The following P3H2 variants were observed in gnomAD, a reference collection of about 807,000 sequenced individuals.
The protein encoded by P3H2 is leprecan-like 1.
P3H2 carries 80 observed loss-of-function variants against 87.0 expected under a neutral mutation model. That is an observed-to-expected ratio of 0.92 (90% CI 0.77 to 1.11). The LOEUF (loss-of-function observed/expected upper bound fraction) is 1.11. Ranked by LOEUF, P3H2 falls within the 50% of genes least tolerant of loss-of-function variation. The pLI, the probability that P3H2 is intolerant of heterozygous loss-of-function variation, is 0.00. For missense variants in P3H2, 1,001 were observed against 923.9 expected (o/e 1.08, Z -1.08); for synonymous variants, 367 against 359.3 (o/e 1.02, Z -0.24).
chr3:189,982,619 G>A lies in P3H2; in HGVS notation c.1324+427C>T, dbSNP rs140206870. ...CCCTGCTCAGATCTATGTGCTTCAA[G>A]CATCTAAGGTTAACTAATCTAATAT... On this transcript the variant is annotated intron_variant, in intron 8 of 14. Transcript: ENST00000319332. 2.6e-5 allele frequency among the ~76,000 whole-genome samples: 4 copies of A among 152,208 alleles called. No individual in the cohort carries two copies. The East Asian group carries it at 7.7e-4, about 29-fold the overall frequency.
chr3:190,083,663 G>A (rs1727123644), intron 1 of P3H2, among the ~76,000 whole-genome samples: 1 of 152,186 alleles, frequency 6.6e-6, no homozygotes. Context: ...CTGAGTATAA[G>A]AATCCCCTAG....
intron 4 of P3H2, among the ~76,000 whole-genome samples, chr3:189,988,209 C>A (rs996418402): frequency 6.6e-6 from 1 of 152,162 alleles, no homozygotes; most frequent in Non-Finnish European, 1.5e-5. Flanking sequence ...AATTATAGCA[C>A]ATCCTACAGT....
chr3:190,022,983 C>T (rs1360988781), intron 1 of P3H2, among the ~76,000 whole-genome samples: 2 of 152,008 alleles, frequency 1.3e-5, no homozygotes, highest in East Asian at 1.9e-4. Flanking sequence ...CCCACCACCA[C>T]GCCTGGCTAA....
chr3:190,105,344 C>T lies in P3H2; in HGVS notation c.480+14908G>A, dbSNP rs951329043. On this transcript the variant is annotated intron_variant, in intron 1 of 14. Coordinates refer to ENST00000319332, the MANE Select transcript of P3H2 (RefSeq NM_018192.4). ...CAGTGCCATAAAGATCAGGAACAAT[C>T]GCCTCAAATGATAATCTTTTTTGAA... 5.3e-5 allele frequency among the ~76,000 whole-genome samples: 8 copies of T among 152,296 alleles called. No individual in the cohort carries two copies. In the South Asian group the frequency reaches 8.3e-4, roughly 16 times the overall value.
At chr3:190,094,540 C>A (rs1236556365) in intron 1 of P3H2, among the ~76,000 whole-genome samples, 1 of 152,138 alleles carries the variant, frequency 6.6e-6, no homozygotes, top group Non-Finnish European at 1.5e-5. Flanking sequence ...TTCCACAGAA[C>A]CCAGGCACAG....
At chr3:190,111,482 C>G (rs981347808) in intron 1 of P3H2, among the ~76,000 whole-genome samples, 1 of 151,984 alleles carries the variant, frequency 6.6e-6, no homozygotes, top group Non-Finnish European at 1.5e-5. Context: ...ATTAATGTGG[C>G]AGGGTGCAGC....
chr3:190,084,204 A>G (rs149172716), intron 1 of P3H2, among the ~76,000 whole-genome samples: 202 of 152,348 alleles, frequency 1.3e-3, no homozygotes, highest in Non-Finnish European at 2.1e-3. Context: ...AATTTCCCGA[A>G]TAATTTCTCA....
At chr3:190,083,711 T>C (rs1727125022) in intron 1 of P3H2, among the ~76,000 whole-genome samples, 1 of 152,236 alleles carries the variant, frequency 6.6e-6, no homozygotes, top group Non-Finnish European at 1.5e-5. Context: ...AAATCATGTA[T>C]GGCCTCTCAG....
At chr3:189,971,745 A>G (rs1161049583) in intron 12 of P3H2, 145 bp downstream of exon 12, 1 of 684,492 alleles carries the variant, frequency 1.5e-6, no homozygotes, top group African/African-American at 1.8e-5. Context: ...CTTATTGGTT[A>G]TGGCAGCTAC....
chr3:189,973,126 T>C (rs1723228965), intron 10 of P3H2, 102 bp from the exon 11 acceptor site: 3 of 1,030,238 alleles, frequency 2.9e-6, no homozygotes, highest in Non-Finnish European at 2.9e-6. Context: ...TTGTCATGTC[T>C]GTATTGACTA....
At chr3:190,083,515 T>A (rs894801488) in intron 1 of P3H2, among the ~76,000 whole-genome samples, 2 of 152,212 alleles carry the variant, frequency 1.3e-5, no homozygotes. Context: ...GGCAATCTTT[T>A]AACTGGGGAG....
rs200308609 is a variant in P3H2, at chr3:190,120,419, C to A, written c.313G>T (p.Ala105Ser). 2.9e-5 allele frequency: 43 copies of A among 1,477,804 alleles called. No homozygotes were observed. Among genetic ancestry groups the A allele is most frequent in the African/African-American group, 1.9e-4 (13 of 68,722 alleles). 91.5% of individuals were successfully genotyped at this position (1,477,804 alleles called of 1,614,324 possible). Residue 105 changes from alanine (A) to serine (S), a missense_variant, in exon 1 of 15, where the codon GCT becomes TCT. Physicochemically the swap from Ala to Ser is moderately conservative, Grantham distance 99 (BLOSUM62 1). Transcript: ENST00000319332. ...AAGGAGCGGAAAAGGGGCAGCTCAG[C>A]GCCGGGGCCCTCGCCGGGGGGCGGG... ...PPPPPGEGPG[A>S]ELPLFRSLLG...
chr3:190,107,648 G>A (rs1177673941), intron 1 of P3H2, among the ~76,000 whole-genome samples: 2 of 152,128 alleles, frequency 1.3e-5, no homozygotes, highest in Non-Finnish European at 2.9e-5. Context: ...ACCTGAAATG[G>A]CAAAATAACA....
At chr3:189,975,756 C>G (rs1723331152) in intron 8 of P3H2, among the ~76,000 whole-genome samples, 1 of 152,128 alleles carries the variant, frequency 6.6e-6, no homozygotes, top group Non-Finnish European at 1.5e-5. Context: ...AGAGCACTGT[C>G]TAAATGTTTA....
chr3:189,973,840 T>C, intron 10 of P3H2, 69 bp downstream of exon 10: 1 of 1,200,836 alleles, frequency 8.3e-7, no homozygotes, highest in East Asian at 2.3e-5. Flanking sequence ...TTCTTTCTTA[T>C]ATCTGCCATT....
At chr3:190,089,435 T>C (rs1207691302) in intron 1 of P3H2, among the ~76,000 whole-genome samples, 2 of 152,182 alleles carry the variant, frequency 1.3e-5, no homozygotes, top group African/African-American at 4.8e-5. Context: ...TCCAAAGTAG[T>C]TGTTTGAAAC....
chr3:190,106,472 T>C (rs2108519489), intron 1 of P3H2, among the ~76,000 whole-genome samples: 1 of 152,312 alleles, frequency 6.6e-6, no homozygotes, highest in South Asian at 2.1e-4. Flanking sequence ...TATATTTGCC[T>C]AAATATTCTT....
intron 13 of P3H2, among the ~76,000 whole-genome samples, chr3:189,966,846 G>A (rs1030033357): frequency 1.5e-4 from 23 of 152,140 alleles, no homozygotes; most frequent in African/African-American, 4.1e-4. Context: ...TTTGCTTTCC[G>A]TCTAACTGAT....
At position 189,976,681 on chromosome 3, in the gene P3H2, G is replaced by A. The variant is rs187124090; in HGVS notation, c.1325-1996C>T. 4.6e-5 allele frequency among the ~76,000 whole-genome samples: 7 copies of A among 152,244 alleles called. No individual in the cohort carries two copies. In the East Asian group the frequency reaches 7.7e-4, roughly 17 times the overall value. ...AATCATTGAAGTATTATTAGTTGGCGTTAATATGACCATAACTGTGCCCAT... is the reference window on the plus strand; with the variant it reads ...AATCATTGAAGTATTATTAGTTGGCATTAATATGACCATAACTGTGCCCAT... On this transcript the variant is annotated intron_variant, in intron 8 of 14. Coordinates refer to ENST00000319332, the MANE Select transcript of P3H2 (RefSeq NM_018192.4).
Sources: allele counts gnomAD v4.1 joint callset (sites outside exome capture counted in the v4.1 genomes callset), GRCh38; gene constraint gnomAD v4.1.1; transcripts MANE v1.5; gene names NCBI Gene and HGNC (gene_info 2026-07-23, HGNC 2026-07-21).